The following IL1RAPL1 variants were observed in gnomAD, a reference collection of about 807,000 sequenced individuals.
IL1RAPL1 encodes the protein interleukin 1 receptor accessory protein like 1.
In IL1RAPL1, 3 loss-of-function variants were observed where a neutral mutation model predicts 48.4. The ratio of observed to expected loss-of-function variants is 0.06; its 90% CI spans 0.03 to 0.16. The LOEUF (loss-of-function observed/expected upper bound fraction) is 0.16, where lower values mean the gene tolerates loss of function less well. Among genes scored for constraint, IL1RAPL1 ranks in the 10% least tolerant of loss-of-function variants. The probability of loss-of-function intolerance (pLI) is 1.00; values close to 1 mark genes in which losing one functional copy is unlikely to be tolerated. For synonymous variants in IL1RAPL1, 185 were observed against 187.7 expected (o/e 0.99, Z 0.12); for missense variants, 349 against 530.6 (o/e 0.66, Z 3.36).
intron 2 of IL1RAPL1, among the ~76,000 whole-genome samples, chrX:29,208,493 C>T (rs961760284): frequency 1.8e-5 from 2 of 109,977 alleles, no homozygotes; most frequent in Admixed American, 9.8e-5. Context: ...GGGCGGATCA[C>T]GAGGTCAGGA....
intron 6 of IL1RAPL1, among the ~76,000 whole-genome samples, chrX:29,803,491 C>A (rs777322275): frequency 1.2e-4 from 11 of 91,621 alleles, no homozygotes; most frequent in South Asian, 5.1e-4. Context: ...ATGTATACAT[C>A]TATGTATACA....
chrX:28,737,450 G>T (rs1233192082), intron 1 of IL1RAPL1, among the ~76,000 whole-genome samples: 3 of 108,558 alleles, frequency 2.8e-5, no homozygotes, highest in Admixed American at 1.0e-4. Context: ...TAGAGATGGG[G>T]TTTCATCATG....
chrX:28,803,584 A>G (rs746684976), intron 2 of IL1RAPL1, among the ~76,000 whole-genome samples: 20 of 112,235 alleles, frequency 1.8e-4, no homozygotes, highest in Admixed American at 5.7e-4. Flanking sequence ...AACGAAAGGC[A>G]TATAATACAC....
intron 2 of IL1RAPL1, among the ~76,000 whole-genome samples, chrX:29,207,635 G>C (rs1308650020): frequency 9.0e-6 from 1 of 111,408 alleles, no homozygotes; most frequent in East Asian, 2.8e-4. Context: ...CCTAGCATGG[G>C]ATATACTAGA....
At chrX:28,936,141 C>A (rs982047539) in intron 2 of IL1RAPL1, among the ~76,000 whole-genome samples, 1 of 111,212 alleles carries the variant, frequency 9.0e-6, no homozygotes, top group African/African-American at 3.3e-5. Flanking sequence ...TAGTCTCTAT[C>A]CCTCATGCTG....
chrX:29,087,285 A>T (rs1927974671), intron 2 of IL1RAPL1, among the ~76,000 whole-genome samples: 1 of 109,224 alleles, frequency 9.2e-6, no homozygotes, highest in Non-Finnish European at 1.9e-5. Context: ...CCACAGGCGC[A>T]TGCCACCATA....
chrX:29,846,642 G>A (rs1276914620), intron 6 of IL1RAPL1, among the ~76,000 whole-genome samples: 1 of 109,191 alleles, frequency 9.2e-6, no homozygotes, highest in Non-Finnish European at 1.9e-5. Flanking sequence ...ATCAATGGAA[G>A]TTTCTTAGGA....
chrX:28,615,199 G>GTTTTTT lies in IL1RAPL1; in HGVS notation c.-25+27182_-25+27187dup, dbSNP rs778402885. Reference sequence around the variant, plus strand: ...CACTGCGCCTGGCCAACTGTTGTCTGTTTTTTTTTTTTTTTTTTTTTTTTT... The same window carrying GTTTTTT: ...CACTGCGCCTGGCCAACTGTTGTCTGTTTTTTTTTTTTTTTTTTTTTTTTTTTTTTT... On this transcript the variant is annotated intron_variant, in intron 1 of 10. Transcript: ENST00000378993. 4.6e-3 allele frequency among the ~76,000 whole-genome samples: 119 copies of GTTTTTT among 26,039 alleles called. 18 individuals are homozygous for GTTTTTT. Among genetic ancestry groups the GTTTTTT allele is most frequent in the Admixed American group, 7.4e-3 (13 of 1,762 alleles). The allele number at this position is 26,039 out of a possible 115,157, so 22.6% of individuals were successfully genotyped here. A position where few individuals can be genotyped will look rare whatever the true frequency, so the allele number is the denominator to read the frequency against.
chrX:29,411,866 CCTT>C (rs1934148491), intron 5 of IL1RAPL1, among the ~76,000 whole-genome samples: 1 of 110,880 alleles, frequency 9.0e-6, no homozygotes, highest in East Asian at 2.8e-4. Flanking sequence ...AATGAAATTC[CCTT>C]CTTTATTTGC....
At chrX:29,752,080 G>GTGTA (rs1555916887) in intron 6 of IL1RAPL1, among the ~76,000 whole-genome samples, 2 of 85,324 alleles carry the variant, frequency 2.3e-5, no homozygotes, top group African/African-American at 8.3e-5. Context: ...ATGTGTGTAT[G>GTGTA]TATATATATA....
chrX:29,493,564 A>T, intron 5 of IL1RAPL1, among the ~76,000 whole-genome samples: 1 of 112,118 alleles, frequency 8.9e-6, no homozygotes, highest in South Asian at 3.7e-4. Context: ...TAGTCTAAAA[A>T]TACTTAATAA....
intron 1 of IL1RAPL1, chrX:28,659,191 C>A: frequency 1.3e-6 from 1 of 747,572 alleles, no homozygotes; most frequent in Non-Finnish European, 2.1e-6. Flanking sequence ...CAGTTGCCTC[C>A]TGCAAAGCAC....
At chrX:29,029,252 G>A (rs147137612) in intron 2 of IL1RAPL1, among the ~76,000 whole-genome samples, 196 of 111,149 alleles carry the variant, frequency 1.8e-3, no homozygotes, top group African/African-American at 6.1e-3. Flanking sequence ...AGATTTGGGT[G>A]GGGACACAGC....
chrX:29,953,442 C>A (rs1392464645), intron 9 of IL1RAPL1, among the ~76,000 whole-genome samples: 1 of 111,764 alleles, frequency 8.9e-6, no homozygotes, highest in Non-Finnish European at 1.9e-5. Flanking sequence ...ATAAAGATAA[C>A]AAATGATTGA....
intron 3 of IL1RAPL1, among the ~76,000 whole-genome samples, chrX:29,381,686 C>T (rs1353825306): frequency 9.7e-6 from 1 of 103,155 alleles, no homozygotes; most frequent in African/African-American, 3.5e-5. Flanking sequence ...TGTGGTGGCA[C>T]ATTCCTGCAG....
At chrX:28,619,001 C>G (rs868354310) in intron 1 of IL1RAPL1, among the ~76,000 whole-genome samples, 1 of 111,695 alleles carries the variant, frequency 9.0e-6, no homozygotes, top group Non-Finnish European at 1.9e-5. Context: ...CTGAGAAGGG[C>G]CAGTGCCAGT....
intron 2 of IL1RAPL1, among the ~76,000 whole-genome samples, chrX:28,986,625 A>G (rs929262260): frequency 8.9e-6 from 1 of 112,389 alleles, no homozygotes; most frequent in African/African-American, 3.2e-5. Context: ...TGAAATTATA[A>G]CATACAAGGG....
At chrX:29,568,725 G>T (rs2147796964) in intron 5 of IL1RAPL1, among the ~76,000 whole-genome samples, 1 of 111,487 alleles carries the variant, frequency 9.0e-6, no homozygotes, top group Non-Finnish European at 1.9e-5. Context: ...TATTTTCAAT[G>T]AGGGTAATTT....
intron 2 of IL1RAPL1, among the ~76,000 whole-genome samples, chrX:29,255,114 C>A (rs944840203): frequency 6.4e-5 from 6 of 93,585 alleles, no homozygotes; most frequent in African/African-American, 2.3e-4. Flanking sequence ...TTTTTAGTAA[C>A]TAAGGTATTT....
Sources: allele counts gnomAD v4.1 joint callset (sites outside exome capture counted in the v4.1 genomes callset), GRCh38; gene constraint gnomAD v4.1.1; transcripts MANE v1.5; gene names NCBI Gene and HGNC (gene_info 2026-07-23, HGNC 2026-07-21).